Variants in RNFT2 observed in about 807,000 individuals in gnomAD.
RNFT2 encodes E3 ubiquitin-protein ligase RNFT2.
In RNFT2, 36 loss-of-function variants were observed where a neutral mutation model predicts 53.0. The ratio of observed to expected loss-of-function variants is 0.68; its 90% CI spans 0.52 to 0.90. RNFT2 has a LOEUF of 0.90. RNFT2 is among the 40% of genes least tolerant of loss of function. The pLI is 0.00. For missense variants in RNFT2, 514 were observed against 585.6 expected, an observed-to-expected ratio of 0.88 and a Z score of 1.26; for synonymous variants, 260 against 253.2, an observed-to-expected ratio of 1.03 and a Z score of -0.26.
chr12:116,764,362 T>A (rs1399437157), intron 5 of RNFT2, among the ~76,000 whole-genome samples: 1 of 152,102 alleles, frequency 6.6e-6, no homozygotes, highest in Non-Finnish European at 1.5e-5. Flanking sequence ...ATTTTTTTTT[T>A]AAAGTCTGTG....
At chr12:116,766,961 G>T in intron 6 of RNFT2, 47 bp downstream of exon 6, 1 of 1,401,648 alleles carries the variant, frequency 7.1e-7, no homozygotes, top group Non-Finnish European at 9.9e-7. Flanking sequence ...GGGGCACTTG[G>T]CTGGGCTTGG....
At position 116,750,890 on chromosome 12, in the gene RNFT2, TAATATATATATA is replaced by T. The variant is rs1566069543; in HGVS notation, c.550+584_550+595del. Among the ~76,000 whole-genome samples, 112 of 25,200 alleles carry T rather than the reference TAATATATATATA, an allele frequency of 4.4e-3. 6 individuals are homozygous for T. The highest frequency in any genetic ancestry group is 0.027 in the African/African-American group (105 of 3,828). The allele number at this position is 25,200 out of a possible 152,430, so 16.5% of individuals were successfully genotyped here. On this transcript the variant is annotated intron_variant, in intron 4 of 10. Transcript: ENST00000257575. ...ATATATAATATATATATTATATATA[TAATATATATATA>T]TATATATTTTTTTTTGAGACAGGGT... is the stretch of plus-strand genomic sequence containing the variant.
At chr12:116,835,913 G>T in intron 8 of RNFT2, 47 bp from the exon 9 acceptor site, 2 of 1,607,684 alleles carry the variant, frequency 1.2e-6, no homozygotes, top group Non-Finnish European at 1.7e-6. Context: ...CAGGGGTCAC[G>T]AGTGATCCTT....
rs1466474795 is a variant in RNFT2 at position 116,792,184 on chromosome 12, G to A, written c.882+12836G>A. Among the ~76,000 whole-genome samples the A allele has an allele frequency of 2.0e-5, 3 of 152,014 alleles. No individual in the cohort carries two copies. In the East Asian group the frequency reaches 5.8e-4, roughly 29 times the overall value. Reference sequence around the variant, plus strand: ...CCTGACTCAGCCTCCTGAGTAGCTGGGATTACAGCTGTGCACCACCACGCC... The same window carrying A: ...CCTGACTCAGCCTCCTGAGTAGCTGAGATTACAGCTGTGCACCACCACGCC... On this transcript the variant is annotated intron_variant, in intron 7 of 10. Coordinates refer to ENST00000257575, the MANE Select transcript of RNFT2 (RefSeq NM_001382266.1).
At chr12:116,841,768 T>TATATATATATAA (rs1555210400) in intron 10 of RNFT2, among the ~76,000 whole-genome samples, 6 of 96,706 alleles carry the variant, frequency 6.2e-5, no homozygotes, top group African/African-American at 8.2e-5. Context: ...TAAATATAAA[T>TATATATATATAA]ATATATATAT....
At chr12:116,740,544 T>C (rs1212654993) in intron 2 of RNFT2, 23 bp downstream of exon 2, 1 of 1,559,104 alleles carries the variant, frequency 6.4e-7, no homozygotes, top group Non-Finnish European at 8.7e-7. Flanking sequence ...CAAGAGAATT[T>C]GCATCTTTAT....
intron 7 of RNFT2, among the ~76,000 whole-genome samples, chr12:116,799,748 C>A (rs1025242878): frequency 6.6e-6 from 1 of 152,018 alleles, no homozygotes; most frequent in Non-Finnish European, 1.5e-5. Flanking sequence ...CCTGAGGTCA[C>A]CTCGTGTCTA....
At chr12:116,813,903 C>T (rs891238839) in intron 7 of RNFT2, among the ~76,000 whole-genome samples, 2 of 152,028 alleles carry the variant, frequency 1.3e-5, no homozygotes, top group African/African-American at 2.4e-5. Flanking sequence ...AGTGTTCTTC[C>T]GTATATAATG....
intron 10 of RNFT2, among the ~76,000 whole-genome samples, chr12:116,837,102 G>A (rs1444154809): frequency 1.3e-5 from 2 of 152,220 alleles, no homozygotes; most frequent in East Asian, 1.9e-4. Flanking sequence ...TTAGTCGTGG[G>A]TCACCAGCCC....
At chr12:116,761,995 A>G (rs1440695533) in intron 5 of RNFT2, among the ~76,000 whole-genome samples, 2 of 146,046 alleles carry the variant, frequency 1.4e-5, no homozygotes, top group Admixed American at 7.1e-5. Flanking sequence ...TGAATCTGGG[A>G]GGCAGAGGTT....
chr12:116,849,202 C>T (rs887693657), intron 10 of RNFT2, 112 bp from the exon 11 acceptor site: 8 of 786,580 alleles, frequency 1.0e-5, no homozygotes, highest in South Asian at 3.6e-5. Context: ...CGAGTGCAGG[C>T]GCCCCGAAGG....
intron 10 of RNFT2, among the ~76,000 whole-genome samples, chr12:116,847,927 G>C (rs368775467): frequency 5.3e-5 from 8 of 152,284 alleles, no homozygotes; most frequent in African/African-American, 1.9e-4. Flanking sequence ...ATGGTGGTTT[G>C]CTGCACCTAT....
Position 116,792,550 on chromosome 12 carries a change from A to T in RNFT2, c.882+13202A>T, listed in dbSNP as rs544297744. Among the ~76,000 whole-genome samples, 143 of 152,294 alleles carry T rather than the reference A, an allele frequency of 9.4e-4. 1 individual carries two copies. The highest frequency in any genetic ancestry group is 3.3e-3 in the African/African-American group (139 of 41,562). On this transcript the variant is annotated intron_variant, in intron 7 of 10. Coordinates refer to ENST00000257575, the MANE Select transcript of RNFT2 (RefSeq NM_001382266.1). ...AACAGTTATTAATGCCTCCCTGGCA[A>T]CTGTCCAGCTCCCTTTTTTTGATGA...
chr12:116,774,824 A>T lies in RNFT2; in HGVS notation c.729-4371A>T, dbSNP rs115076336. ...GAGGGTGGAGGAGGTGGAGTTTCCC[A>T]GAACCTTGGATGAATTTCCAGCTCA... On this transcript the variant is annotated intron_variant, in intron 6 of 10. Transcript: ENST00000257575. Among the ~76,000 whole-genome samples, 578 of 151,538 alleles carry T rather than the reference A, an allele frequency of 3.8e-3. 3 individuals are homozygous for T. The highest frequency in any genetic ancestry group is 0.014 in the African/African-American group (559 of 41,096).
chr12:116,791,947 G>T (rs762610225), intron 7 of RNFT2, among the ~76,000 whole-genome samples: 6 of 152,302 alleles, frequency 3.9e-5, no homozygotes, highest in Admixed American at 6.5e-5. Context: ...CTCACAAGTG[G>T]CTATGTGGAG....
intron 3 of RNFT2, among the ~76,000 whole-genome samples, chr12:116,747,978 G>A (rs559702004): frequency 6.6e-6 from 1 of 152,072 alleles, no homozygotes; most frequent in African/African-American, 2.4e-5. Flanking sequence ...ATCACATGAG[G>A]TCAGGAGTTC....
At chr12:116,771,457 C>T (rs555781117) in intron 6 of RNFT2, among the ~76,000 whole-genome samples, 837 of 71,984 alleles carry the variant, frequency 0.012, 2 homozygotes, top group Admixed American at 0.015. Context: ...GAGATCCTAT[C>T]GTTAAAAAAA....
rs545768728 is a variant in RNFT2, at chr12:116,818,279, C to T, written c.883-15513C>T. Among the ~76,000 whole-genome samples, 6 of 149,664 alleles carry T rather than the reference C, an allele frequency of 4.0e-5. No homozygotes were observed. The East Asian group carries it at 9.9e-4, about 25-fold the overall frequency. On this transcript the variant is annotated intron_variant, in intron 7 of 10. Transcript: ENST00000257575. ...TCAAGGCTGCAGTGAGCTGAGATCG[C>T]ACCACTGCACTCCAGCCTGGGTGAC...
chr12:116,790,491 C>T (rs1196804828), intron 7 of RNFT2, among the ~76,000 whole-genome samples: 2 of 152,192 alleles, frequency 1.3e-5, no homozygotes, highest in East Asian at 1.9e-4. Flanking sequence ...TGCAAAAGAG[C>T]GCAAACCTTG....
Sources: allele counts gnomAD v4.1 joint callset (sites outside exome capture counted in the v4.1 genomes callset), GRCh38; gene constraint gnomAD v4.1.1; transcripts MANE v1.5; gene names NCBI Gene and HGNC (gene_info 2026-07-23, HGNC 2026-07-21).